Variants in KCNH8 observed in about 807,000 individuals in gnomAD.
KCNH8 encodes voltage-gated delayed rectifier potassium channel KCNH8.
In KCNH8, 70 loss-of-function variants were observed where a neutral mutation model predicts 103.6. The observed-to-expected ratio is 0.68, with a 90% confidence interval of 0.56 to 0.82. The LOEUF (loss-of-function observed/expected upper bound fraction) is 0.82, where lower values mean the gene tolerates loss of function less well. Among genes scored for constraint, KCNH8 ranks in the 40% least tolerant of loss-of-function variants. The pLI is 0.00. For missense variants in KCNH8, 1,217 were observed against 1,329.9 expected, an observed-to-expected ratio of 0.92 and a Z score of 1.32; for synonymous variants, 498 against 489.4, an observed-to-expected ratio of 1.02 and a Z score of -0.23.
chr3:19,154,884 C>T (rs2063166182), intron 1 of KCNH8, among the ~76,000 whole-genome samples: 1 of 152,182 alleles, frequency 6.6e-6, no homozygotes. Context: ...TTCGCCCTGG[C>T]AGTATATATT....
intron 3 of KCNH8, among the ~76,000 whole-genome samples, chr3:19,302,426 A>C (rs1262424715): frequency 6.6e-6 from 1 of 152,082 alleles, no homozygotes; most frequent in East Asian, 1.9e-4. Flanking sequence ...CAATAAACCC[A>C]TTCTGTAATA....
rs17005838 is a variant in KCNH8 at position 19,343,206 on chromosome 3, T to C, written c.570+492T>C. The stretch of plus-strand genomic sequence containing the variant: ...TTTTATATAAAACACAGTTGAAAAT[T>C]TCACAGTAAAACACTGGATTTACAA... On this transcript the variant is annotated intron_variant, in intron 4 of 15. Transcript: ENST00000328405. Among the ~76,000 whole-genome samples, 806 of 152,220 alleles carry C rather than the reference T, an allele frequency of 5.3e-3. 10 individuals carry two copies. The highest frequency in any genetic ancestry group is 0.018 in the African/African-American group (746 of 41,552).
At chr3:19,272,079 G>A (rs1438305607) in intron 2 of KCNH8, among the ~76,000 whole-genome samples, 1 of 152,076 alleles carries the variant, frequency 6.6e-6, no homozygotes, top group Non-Finnish European at 1.5e-5. Context: ...GGTTTTTCCT[G>A]GCTTCATTAT....
At chr3:19,354,007 C>T (rs543059781) in intron 5 of KCNH8, among the ~76,000 whole-genome samples, 1 of 152,260 alleles carries the variant, frequency 6.6e-6, no homozygotes, top group East Asian at 1.9e-4. Flanking sequence ...CCCAAAATCT[C>T]GTTAAGCTGA....
intron 2 of KCNH8, among the ~76,000 whole-genome samples, chr3:19,267,419 G>A (rs907647028): frequency 6.6e-6 from 1 of 152,098 alleles, no homozygotes; most frequent in African/African-American, 2.4e-5. Flanking sequence ...TTCAATGTTG[G>A]CCTTTAGCAA....
At chr3:19,289,072 G>C (rs923690781) in intron 3 of KCNH8, among the ~76,000 whole-genome samples, 1 of 151,848 alleles carries the variant, frequency 6.6e-6, no homozygotes, top group Non-Finnish European at 1.5e-5. Context: ...CTTTTTGATG[G>C]GGTTGTTTTT....
chr3:19,246,357 C>A (rs1225613786), intron 1 of KCNH8, among the ~76,000 whole-genome samples: 1 of 147,028 alleles, frequency 6.8e-6, no homozygotes, highest in African/African-American at 2.5e-5. Context: ...GCTCACTGCA[C>A]CCTCTGCCTC....
At chr3:19,400,086 A>G (rs1436758804) in intron 7 of KCNH8, among the ~76,000 whole-genome samples, 3 of 151,714 alleles carry the variant, frequency 2.0e-5, no homozygotes, top group Non-Finnish European at 2.9e-5. Context: ...CCAAGCTAAA[A>G]TCACATGCTC....
At chr3:19,323,822 G>A (rs1189677949) in intron 3 of KCNH8, among the ~76,000 whole-genome samples, 2 of 152,160 alleles carry the variant, frequency 1.3e-5, no homozygotes, top group Non-Finnish European at 1.5e-5. Context: ...GTTGTTACTG[G>A]AGAGTGTCTG....
chr3:19,265,185 T>C (rs1419079538), intron 2 of KCNH8, among the ~76,000 whole-genome samples: 1 of 152,114 alleles, frequency 6.6e-6, no homozygotes, highest in African/African-American at 2.4e-5. Context: ...TTTGCTTGTT[T>C]GAGCCCCAGC....
intron 5 of KCNH8, among the ~76,000 whole-genome samples, chr3:19,351,718 C>T (rs2065804762): frequency 6.6e-6 from 1 of 152,102 alleles, no homozygotes; most frequent in Non-Finnish European, 1.5e-5. Context: ...GCCTGCCTTA[C>T]AAGAGCTCCT....
rs937696478 is a variant in KCNH8, at chr3:19,175,347, G to A, written c.76+26552G>A. Among the ~76,000 whole-genome samples the A allele has an allele frequency of 6.0e-5, 9 of 150,530 alleles. No homozygotes were observed. The East Asian group carries it at 1.6e-3, about 26-fold the overall frequency. ...CGCCATTCTCCTGCCTCAGCCTCCC[G>A]AGTAGCTGGGACTACAGGCGCCCGC... On this transcript the variant is annotated intron_variant, in intron 1 of 15. Coordinates refer to ENST00000328405, the MANE Select transcript of KCNH8 (RefSeq NM_144633.3).
chr3:19,404,381 G>A (rs772536421), intron 7 of KCNH8, among the ~76,000 whole-genome samples: 1 of 151,966 alleles, frequency 6.6e-6, no homozygotes, highest in Admixed American at 6.6e-5. Flanking sequence ...CTTGGACCTA[G>A]ATTTTAGAAG....
intron 1 of KCNH8, among the ~76,000 whole-genome samples, chr3:19,214,241 C>T (rs1194490800): frequency 1.3e-5 from 2 of 152,206 alleles, no homozygotes; most frequent in African/African-American, 4.8e-5. Flanking sequence ...TATATAGTTA[C>T]ACTTTTATCA....
At chr3:19,332,696 G>A (rs73032106) in intron 3 of KCNH8, among the ~76,000 whole-genome samples, 7,860 of 152,002 alleles carry the variant, frequency 0.052, 251 homozygotes, top group Middle Eastern at 0.11. Context: ...ACAGTGGCAC[G>A]ATCTCAGCTC....
At chr3:19,325,426 T>G (rs1213025704) in intron 3 of KCNH8, among the ~76,000 whole-genome samples, 1 of 152,180 alleles carries the variant, frequency 6.6e-6, no homozygotes, top group Non-Finnish European at 1.5e-5. Flanking sequence ...TGGAAAATTT[T>G]TTGCAAACTA....
At chr3:19,266,188 T>G (rs2064508109) in intron 2 of KCNH8, among the ~76,000 whole-genome samples, 1 of 152,126 alleles carries the variant, frequency 6.6e-6, no homozygotes, top group Admixed American at 6.6e-5. Flanking sequence ...ATAAAGCCAT[T>G]CATGAGCTAG....
In KCNH8 at chr3:19,438,054, C is replaced by T. The variant is rs183646249; in HGVS notation, c.1178-110C>T. 4,910 of 839,646 alleles carry T rather than the reference C, an allele frequency of 5.8e-3. 36 individuals are homozygous for T. The highest frequency in any genetic ancestry group is 0.015 in the South Asian group (956 of 62,092). The allele number at this position is 839,646 out of a possible 1,614,324, so 52.0% of individuals were successfully genotyped here. A position where few individuals can be genotyped will look rare whatever the true frequency, so the allele number is the denominator to read the frequency against. On this transcript the variant is annotated intron_variant, in intron 7 of 15. Transcript: ENST00000328405. ...TTAATTTCCTTTTTACCTTCTTCTT[C>T]CTCTGAGCAAATTATTACCTCCCCA...
At position 19,278,799 on chromosome 3, in the gene KCNH8, G is replaced by C. The variant is rs539781958; in HGVS notation, c.311-2399G>C. Among the ~76,000 whole-genome samples, 12 of 152,250 alleles carry C rather than the reference G, an allele frequency of 7.9e-5. No individual in the cohort carries two copies. The South Asian group carries it at 2.5e-3, about 32-fold the overall frequency. On this transcript the variant is annotated intron_variant, in intron 2 of 15. Transcript: ENST00000328405. ...AGACAAATCTCAAAGTAAACTTTCAGTTATTCCAGAATATAATGTGAAATG... is the reference window on the plus strand; with the variant it reads ...AGACAAATCTCAAAGTAAACTTTCACTTATTCCAGAATATAATGTGAAATG...
Sources: gnomAD v4.1 joint callset for allele counts (sites outside exome capture counted in the v4.1 genomes callset) on GRCh38, gnomAD v4.1.1 for gene constraint, MANE v1.5 for transcripts, NCBI Gene and HGNC (gene_info 2026-07-23, HGNC 2026-07-21) for gene names.